The following GRIP1 variants were observed in gnomAD, a reference collection of about 807,000 sequenced individuals.
GRIP1 encodes glutamate receptor-interacting protein 1.
In GRIP1, 45 loss-of-function variants were observed where a neutral mutation model predicts 129.9. The observed-to-expected ratio is 0.35, with a 90% CI of 0.27 to 0.44. The LOEUF (loss-of-function observed/expected upper bound fraction) is 0.44, where lower values mean the gene tolerates loss of function less well. GRIP1 is among the 20% of genes least tolerant of loss of function. The probability of loss-of-function intolerance (pLI) is 1.00; values close to 1 mark genes in which losing one functional copy is unlikely to be tolerated. For missense variants in GRIP1, 1,196 were observed against 1,396.8 expected (o/e 0.86, Z 2.29); for synonymous variants, 530 against 520.8 (o/e 1.02, Z -0.24).
intron 11 of GRIP1, among the ~76,000 whole-genome samples, chr12:66,451,383 G>GGTTTTTTTTTTT (rs1565751885): frequency 2.3e-5 from 1 of 42,650 alleles, no homozygotes. Context: ...ATTATAATCT[G>GGTTTTTTTTTTT]TTTTTTTTTT....
At chr12:66,963,031 C>T (rs531499819) in intron 1 of GRIP1, among the ~76,000 whole-genome samples, 1 of 152,208 alleles carries the variant, frequency 6.6e-6, no homozygotes, top group South Asian at 2.1e-4. Context: ...AATGTTTAGG[C>T]CAGGCACAGT....
chr12:66,483,256 C>T (rs1346752869), intron 7 of GRIP1, among the ~76,000 whole-genome samples: 2 of 152,230 alleles, frequency 1.3e-5, no homozygotes, highest in South Asian at 2.1e-4. Context: ...TCATATAATG[C>T]TATTAATAAT....
chr12:66,406,758 C>T (rs207473023), intron 15 of GRIP1, among the ~76,000 whole-genome samples: 1 of 152,164 alleles, frequency 6.6e-6, no homozygotes, highest in African/African-American at 2.4e-5. Flanking sequence ...CCTTGTCTTT[C>T]TCCATATTGT....
chr12:66,769,204 C>G (rs867121537), intron 1 of GRIP1, among the ~76,000 whole-genome samples: 1 of 151,208 alleles, frequency 6.6e-6, no homozygotes, highest in East Asian at 2.0e-4. Flanking sequence ...ATTCACTGTA[C>G]GAATCTTTCT....
At chr12:66,539,793 G>C (rs2061720471) in intron 3 of GRIP1, among the ~76,000 whole-genome samples, 1 of 152,054 alleles carries the variant, frequency 6.6e-6, no homozygotes, top group South Asian at 2.1e-4. Flanking sequence ...TATTGGTGAA[G>C]GAGAAATCAC....
chr12:66,565,965 T>G (rs1458144417), intron 2 of GRIP1, among the ~76,000 whole-genome samples: 2 of 152,240 alleles, frequency 1.3e-5, no homozygotes, highest in East Asian at 3.8e-4. Flanking sequence ...TTTTGTACAT[T>G]GATTTTGTAT....
chr12:66,671,067 TC>T (rs753857991), intron 1 of GRIP1, among the ~76,000 whole-genome samples: 2 of 152,104 alleles, frequency 1.3e-5, no homozygotes, highest in Admixed American at 6.5e-5. Flanking sequence ...AGGCCACACT[TC>T]CAGGCAATTA....
intron 1 of GRIP1, among the ~76,000 whole-genome samples, chr12:66,667,116 T>C (rs1000374774): frequency 2.0e-5 from 3 of 152,166 alleles, no homozygotes; most frequent in South Asian, 2.1e-4. Context: ...ATTTCCATTA[T>C]AATTTCTTTC....
intron 1 of GRIP1, among the ~76,000 whole-genome samples, chr12:66,883,511 G>A (rs1435556648): frequency 1.3e-5 from 2 of 152,124 alleles, no homozygotes; most frequent in African/African-American, 4.8e-5. Context: ...TTCATGGAAG[G>A]CTGCCCCTTC....
chr12:66,506,262 T>C (rs1359704503), intron 7 of GRIP1, among the ~76,000 whole-genome samples: 1 of 152,214 alleles, frequency 6.6e-6, no homozygotes, highest in Non-Finnish European at 1.5e-5. Flanking sequence ...GTATTATTTA[T>C]AGGAGTGGCA....
intron 1 of GRIP1, among the ~76,000 whole-genome samples, chr12:66,822,118 G>A (rs915793047): frequency 6.6e-6 from 1 of 152,194 alleles, no homozygotes; most frequent in Non-Finnish European, 1.5e-5. Flanking sequence ...TAGGAAGAAA[G>A]GAAAGAGCTG....
intron 14 of GRIP1, among the ~76,000 whole-genome samples, chr12:66,424,044 C>T (rs1025486553): frequency 5.9e-5 from 9 of 152,138 alleles, no homozygotes; most frequent in African/African-American, 1.9e-4. Flanking sequence ...AATTCAAACT[C>T]GTCACTTGTA....
intron 1 of GRIP1, among the ~76,000 whole-genome samples, chr12:66,716,108 T>A (rs765619562): frequency 6.6e-6 from 1 of 152,042 alleles, no homozygotes; most frequent in Non-Finnish European, 1.5e-5. Flanking sequence ...AAAAAAATTA[T>A]AATACCCCCT....
chr12:66,888,300 ATCATCTTACC>A (rs2040600171), intron 1 of GRIP1, among the ~76,000 whole-genome samples: 1 of 151,924 alleles, frequency 6.6e-6, no homozygotes. Flanking sequence ...GACTCAAGCA[ATCATCTTACC>A]TCAGCCTCCC....
chr12:66,587,100 A>G (rs563283603), intron 2 of GRIP1, among the ~76,000 whole-genome samples: 1 of 152,110 alleles, frequency 6.6e-6, no homozygotes, highest in African/African-American at 2.4e-5. Context: ...CAGCCATTCA[A>G]TTTGGCATAA....
intron 1 of GRIP1, among the ~76,000 whole-genome samples, chr12:66,883,258 C>G (rs2040510036): frequency 6.6e-6 from 1 of 152,110 alleles, no homozygotes; most frequent in Non-Finnish European, 1.5e-5. Context: ...CTGTGCACCC[C>G]TTTCCCTTTA....
chr12:66,756,855 C>T (rs1284287210), intron 1 of GRIP1, among the ~76,000 whole-genome samples: 4 of 152,198 alleles, frequency 2.6e-5, no homozygotes, highest in African/African-American at 4.8e-5. Context: ...CTAAGCCCTT[C>T]TGCCTTCAGA....
rs1436011833 is a variant in GRIP1, at chr12:66,505,382, T to C, written c.724+10237A>G. Among the ~76,000 whole-genome samples, 5 of 152,176 alleles carry C rather than the reference T, an allele frequency of 3.3e-5. No homozygotes were observed. The East Asian group carries it at 5.8e-4, about 18-fold the overall frequency. The stretch of plus-strand genomic sequence containing the variant: ...AGGACCTTGGACTGACTCCAAGGAA[T>C]TGATTCTGCCAACAACCTGCGTTAG... On this transcript the variant is annotated intron_variant, in intron 7 of 24. Transcript: ENST00000359742.
chr12:66,856,124 G>A (rs527890510), intron 1 of GRIP1, among the ~76,000 whole-genome samples: 1 of 152,126 alleles, frequency 6.6e-6, no homozygotes, highest in South Asian at 2.1e-4. Context: ...AATGGGGAAA[G>A]GATTCCCTAT....
Sources: allele counts gnomAD v4.1 joint callset (sites outside exome capture counted in the v4.1 genomes callset), GRCh38; gene constraint gnomAD v4.1.1; transcripts MANE v1.5; gene names NCBI Gene and HGNC (gene_info 2026-07-23, HGNC 2026-07-21).